Variants in COL19A1 observed in about 807,000 individuals in gnomAD.
COL19A1 encodes the protein collagen alpha-1(XIX) chain.
In COL19A1, 159 loss-of-function variants were observed where a neutral mutation model predicts 190.2. The observed-to-expected ratio is 0.84, with a 90% CI of 0.73 to 0.95. The LOEUF (loss-of-function observed/expected upper bound fraction) is 0.95, where lower values mean the gene tolerates loss of function less well. COL19A1 is among the 40% of genes least tolerant of loss of function. COL19A1 has a pLI of 0.00. For synonymous variants in COL19A1, 509 were observed against 458.9 expected (o/e 1.11, Z -1.39); for missense variants, 1,418 against 1,431.9 (o/e 0.99, Z 0.16).
At chr6:70,193,387 C>A (rs1767000341) in intron 48 of COL19A1, among the ~76,000 whole-genome samples, 1 of 152,196 alleles carries the variant, frequency 6.6e-6, no homozygotes, top group Non-Finnish European at 1.5e-5. Context: ...GAAGCTCCTC[C>A]TCTGGGTCTG....
intron 16 of COL19A1, among the ~76,000 whole-genome samples, chr6:70,114,348 G>GGA (rs1194468331): frequency 1.7e-4 from 26 of 152,236 alleles, no homozygotes; most frequent in African/African-American, 6.0e-4. Context: ...AGAGTTAAAA[G>GGA]ATCAAGGCAG....
intron 4 of COL19A1, among the ~76,000 whole-genome samples, chr6:69,909,279 A>G (rs1021451268): frequency 2.0e-5 from 3 of 152,140 alleles, no homozygotes; most frequent in African/African-American, 4.8e-5. Context: ...ACAGAACATT[A>G]GTAAAGAGTT....
intron 4 of COL19A1, among the ~76,000 whole-genome samples, chr6:69,900,778 T>C (rs1302720140): frequency 6.6e-6 from 1 of 152,220 alleles, no homozygotes; most frequent in East Asian, 1.9e-4. Context: ...GTTCATCTTA[T>C]CTATTGTATA....
chr6:70,140,393 A>G (rs1324967077), intron 19 of COL19A1, among the ~76,000 whole-genome samples: 1 of 151,828 alleles, frequency 6.6e-6, no homozygotes, highest in East Asian at 1.9e-4. Context: ...TTTCTTTTTC[A>G]AATATTTTTT....
intron 11 of COL19A1, among the ~76,000 whole-genome samples, chr6:70,023,065 G>A (rs1778504976): frequency 6.6e-6 from 1 of 150,970 alleles, no homozygotes; most frequent in Non-Finnish European, 1.5e-5. Flanking sequence ...CTTCCAGAAA[G>A]TTCTTTGTTG....
At chr6:70,171,183 C>T (rs1256089169) in intron 40 of COL19A1, among the ~76,000 whole-genome samples, 1 of 152,144 alleles carries the variant, frequency 6.6e-6, no homozygotes, top group African/African-American at 2.4e-5. Flanking sequence ...CATCAGCTAT[C>T]GTTAGTGTTA....
At chr6:70,106,486 T>C (rs17712300) in intron 16 of COL19A1, among the ~76,000 whole-genome samples, 10,642 of 152,248 alleles carry the variant, frequency 0.07, 490 homozygotes, top group Middle Eastern at 0.13. Flanking sequence ...TGTGAATCAG[T>C]GTTTCATGGA....
intron 49 of COL19A1, among the ~76,000 whole-genome samples, chr6:70,203,270 G>C (rs1767657764): frequency 6.6e-6 from 1 of 152,194 alleles, no homozygotes; most frequent in Admixed American, 6.5e-5. Flanking sequence ...TGTGGGGTCA[G>C]TAGGAAAAAA....
chr6:70,192,586 T>A (rs963634773), intron 48 of COL19A1, among the ~76,000 whole-genome samples: 1 of 129,770 alleles, frequency 7.7e-6, no homozygotes, highest in African/African-American at 2.8e-5. Context: ...CGTCAGGAAG[T>A]TTGAAAAAAA....
At chr6:69,974,434 A>G (rs772910362) in intron 11 of COL19A1, among the ~76,000 whole-genome samples, 2 of 152,164 alleles carry the variant, frequency 1.3e-5, no homozygotes, top group Non-Finnish European at 2.9e-5. Flanking sequence ...TCTGCCTCCC[A>G]CTTAAGGTTT....
At chr6:70,025,769 G>T (rs934876585) in intron 12 of COL19A1, among the ~76,000 whole-genome samples, 1 of 152,206 alleles carries the variant, frequency 6.6e-6, no homozygotes, top group Non-Finnish European at 1.5e-5. Context: ...TTGAAAAACT[G>T]AGCGGTTATT....
In COL19A1 at chr6:70,170,655, C is replaced by T. The variant is rs186762066; in HGVS notation, c.2569-1309C>T. On this transcript the variant is annotated intron_variant, in intron 40 of 50. Transcript: ENST00000620364. ...AGAGTGTGTTTCCTTTGTCAGCAAC[C>T]TAGGGCCTCTTATACAGAACTTTAT... Among the ~76,000 whole-genome samples, 8 of 152,130 alleles carry T rather than the reference C, an allele frequency of 5.3e-5. No individual in the cohort carries two copies. In the East Asian group the frequency reaches 7.7e-4, roughly 15 times the overall value.
At chr6:70,171,891 CT>C in intron 40 of COL19A1, 72 bp from the exon 41 acceptor site, 1 of 1,463,104 alleles carries the variant, frequency 6.8e-7, no homozygotes, top group Non-Finnish European at 9.5e-7. Context: ...GCAAAAAAAT[CT>C]TTGCTTTGGA....
intron 19 of COL19A1, 39 bp downstream of exon 19, chr6:70,137,786 A>T: frequency 6.3e-7 from 1 of 1,594,796 alleles, no homozygotes; most frequent in Non-Finnish European, 8.6e-7. Flanking sequence ...AAGAATATCT[A>T]AAAAACGGGA....
chr6:70,147,662 T>C (rs951236319), intron 27 of COL19A1, among the ~76,000 whole-genome samples: 2 of 152,166 alleles, frequency 1.3e-5, no homozygotes, highest in Non-Finnish European at 2.9e-5. Context: ...GGGTTTTTTT[T>C]CCCCTACTCA....
At chr6:70,099,326 A>G (rs1210697982) in intron 15 of COL19A1, among the ~76,000 whole-genome samples, 2 of 152,140 alleles carry the variant, frequency 1.3e-5, no homozygotes. Context: ...GAGCAACAAC[A>G]TGGCACCACA....
intron 16 of COL19A1, among the ~76,000 whole-genome samples, chr6:70,108,710 T>A (rs57448088): frequency 0.07 from 10,622 of 152,184 alleles, 1,233 homozygotes; most frequent in African/African-American, 0.24. Context: ...TGCCCTTCTA[T>A]TGTACAATAC....
intron 2 of COL19A1, among the ~76,000 whole-genome samples, chr6:69,896,408 G>C (rs1769751430): frequency 1.3e-5 from 2 of 151,610 alleles, no homozygotes; most frequent in Non-Finnish European, 2.9e-5. Flanking sequence ...GCGGTGGCGG[G>C]TGCCTGTAGT....
intron 2 of COL19A1, chr6:69,891,098 A>G: frequency 3.9e-6 from 1 of 259,044 alleles, no homozygotes; most frequent in Non-Finnish European, 8.1e-6. Context: ...CATTTGTTAG[A>G]AAACACATAT....
Sources: gnomAD v4.1 joint callset for allele counts (sites outside exome capture counted in the v4.1 genomes callset) on GRCh38, gnomAD v4.1.1 for gene constraint, MANE v1.5 for transcripts, NCBI Gene and HGNC (gene_info 2026-07-23, HGNC 2026-07-21) for gene names.